Variants in RASA2 observed in about 807,000 individuals in gnomAD.
RASA2 encodes the protein RAS p21 protein activator 2.
In RASA2, 155 loss-of-function variants were observed where a neutral mutation model predicts 118.2. That is an observed-to-expected ratio of 1.31 (90% CI 1.15 to 1.50). The LOEUF is 1.50. Among genes scored for constraint, RASA2 ranks in the 40% most tolerant of loss-of-function variants. RASA2 has a pLI of 0.00. For synonymous variants in RASA2, 353 were observed against 349.1 expected (o/e 1.01, Z -0.12); for missense variants, 1,016 against 1,009.6 (o/e 1.01, Z -0.09).
intron 9 of RASA2, among the ~76,000 whole-genome samples, chr3:141,564,713 T>C (rs2082790603): frequency 6.6e-6 from 1 of 152,118 alleles, no homozygotes; most frequent in South Asian, 2.1e-4. Flanking sequence ...GTGAAAGATA[T>C]AGATGAAAAC....
intron 19 of RASA2, among the ~76,000 whole-genome samples, chr3:141,605,356 G>C (rs1303137812): frequency 6.6e-6 from 1 of 151,808 alleles, no homozygotes; most frequent in African/African-American, 2.4e-5. Context: ...TGTATTTTTG[G>C]AAAGACCTCA....
At chr3:141,599,488 G>A (rs977729324) in intron 19 of RASA2, among the ~76,000 whole-genome samples, 5 of 152,020 alleles carry the variant, frequency 3.3e-5, no homozygotes, top group African/African-American at 1.2e-4. Flanking sequence ...CCCCTTTCTA[G>A]TGTATTAAAA....
chr3:141,539,593 G>A (rs955895580), intron 4 of RASA2, among the ~76,000 whole-genome samples: 5 of 152,138 alleles, frequency 3.3e-5, no homozygotes, highest in Admixed American at 2.0e-4. Flanking sequence ...AATCACTCAC[G>A]TCATCAGTCC....
At chr3:141,609,573 C>T (rs1338099191) in intron 22 of RASA2, 50 bp downstream of exon 22, 1 of 1,349,202 alleles carries the variant, frequency 7.4e-7, no homozygotes, top group South Asian at 1.3e-5. Flanking sequence ...ATTACCAATT[C>T]CTAAAGTATT....
In RASA2 at chr3:141,572,650, G is replaced by A. The variant is rs770097538; in HGVS notation, c.1211G>A (p.Arg404Gln). The A allele has an allele frequency of 2.9e-5, 47 of 1,613,372 alleles. No individual in the cohort carries two copies. Among genetic ancestry groups the A allele is most frequent in the Non-Finnish European group, 3.7e-5 (44 of 1,179,688 alleles). The change falls in exon 12 of 24, where the codon CGA (arginine) becomes CAA (glutamine). Residue 404 changes from arginine to glutamine, a missense_variant. By Grantham distance (43) the Arg-to-Gln change is conservative. Around this residue, in one of 2 missense-constraint regions of RASA2, gnomAD observed 896 missense variants for 836.4 expected, o/e 1.07. Transcript: ENST00000286364. The part of the protein sequence containing the change: ...TIFRGNSLAT[R>Q]CLDEMMKIVG... ...TTTAGAGGAAATTCCCTGGCTACCC[G>A]ATGTCTGGATGAGATGATGAAAATA...
At chr3:141,607,562 GTTA>G (rs2083566925) in intron 19 of RASA2, 113 bp from the exon 20 acceptor site, 3 of 1,090,922 alleles carry the variant, frequency 2.7e-6, no homozygotes, top group Non-Finnish European at 3.6e-6. Flanking sequence ...TCTTCTGTAG[GTTA>G]TTTACACTCC....
intron 3 of RASA2, among the ~76,000 whole-genome samples, chr3:141,521,742 C>T (rs1033528971): frequency 6.6e-6 from 1 of 152,008 alleles, no homozygotes; most frequent in Non-Finnish European, 1.5e-5. Flanking sequence ...AAAATTTATA[C>T]ATTTAACAGA....
At position 141,541,612 on chromosome 3, in the gene RASA2, A is replaced by G. The variant is rs113346182; in HGVS notation, c.527+1003A>G. On this transcript the variant is annotated intron_variant, in intron 5 of 23. Transcript: ENST00000286364. ...TAAAAATCTATAGTTATTTTCTAAT[A>G]TTTTAATCTGCAGTTATTATATTCC... 7.9e-3 allele frequency among the ~76,000 whole-genome samples: 1,200 copies of G among 152,188 alleles called. 17 individuals are homozygous for G. The highest frequency in any genetic ancestry group is 0.027 in the African/African-American group (1,107 of 41,540).
intron 1 of RASA2, among the ~76,000 whole-genome samples, chr3:141,493,419 C>T (rs1008882308): frequency 1.3e-5 from 2 of 152,128 alleles, no homozygotes; most frequent in Admixed American, 1.3e-4. Flanking sequence ...TGTCTGTCAC[C>T]ATCACCTGTG....
chr3:141,543,879 T>TTTTC (rs2082443364), intron 5 of RASA2, among the ~76,000 whole-genome samples: 1 of 130,642 alleles, frequency 7.7e-6, no homozygotes, highest in African/African-American at 3.7e-5. Context: ...CTTTTTTCTT[T>TTTTC]TTTTTTTTTT....
intron 5 of RASA2, among the ~76,000 whole-genome samples, chr3:141,544,623 TA>T (rs1208112602): frequency 6.6e-6 from 1 of 152,246 alleles, no homozygotes; most frequent in East Asian, 1.9e-4. Flanking sequence ...TTCTTCTTTA[TA>T]ACTTTTTTCC....
chr3:141,590,197 T>A, intron 19 of RASA2: 1 of 455,650 alleles, frequency 2.2e-6, no homozygotes, highest in Non-Finnish European at 4.4e-6. Flanking sequence ...TTAATTGTTA[T>A]ATGGATTCTG....
At chr3:141,502,867 G>A (rs925588727) in intron 1 of RASA2, among the ~76,000 whole-genome samples, 5 of 152,024 alleles carry the variant, frequency 3.3e-5, no homozygotes, top group African/African-American at 1.2e-4. Flanking sequence ...TGTACTTCAG[G>A]TAACCTTTGA....
chr3:141,537,595 C>G (rs1349611632), intron 4 of RASA2, among the ~76,000 whole-genome samples: 2 of 152,034 alleles, frequency 1.3e-5, no homozygotes, highest in Non-Finnish European at 2.9e-5. Flanking sequence ...ATGGTGAAAC[C>G]GTGTCTCTAC....
intron 1 of RASA2, among the ~76,000 whole-genome samples, chr3:141,498,251 G>C (rs1027143008): frequency 6.6e-6 from 1 of 152,200 alleles, no homozygotes; most frequent in East Asian, 1.9e-4. Flanking sequence ...GCTCAGGATT[G>C]TAAGGGAGCA....
At chr3:141,568,374 T>C (rs1298552668) in intron 9 of RASA2, among the ~76,000 whole-genome samples, 1 of 152,036 alleles carries the variant, frequency 6.6e-6, no homozygotes, top group Non-Finnish European at 1.5e-5. Flanking sequence ...TTTTTAAAAA[T>C]CTATATAAAA....
chr3:141,533,059 C>T (rs1424870961), intron 4 of RASA2, among the ~76,000 whole-genome samples: 4 of 152,096 alleles, frequency 2.6e-5, no homozygotes, highest in Admixed American at 6.6e-5. Flanking sequence ...CATGTCTCTT[C>T]CTCTGCTTCT....
chr3:141,532,753 T>G (rs2082276221), intron 4 of RASA2, among the ~76,000 whole-genome samples: 1 of 152,120 alleles, frequency 6.6e-6, no homozygotes, highest in African/African-American at 2.4e-5. Flanking sequence ...ATACTGTATC[T>G]TTAAACTGTA....
intron 4 of RASA2, among the ~76,000 whole-genome samples, chr3:141,530,804 G>T (rs1357568041): frequency 6.6e-6 from 1 of 151,886 alleles, no homozygotes; most frequent in South Asian, 2.1e-4. Flanking sequence ...TAATATTCTT[G>T]TCTTTCCTTA....
Sources: gnomAD v4.1 joint callset for allele counts (sites outside exome capture counted in the v4.1 genomes callset) on GRCh38, gnomAD v4.1.1 for gene constraint, gnomAD v4.1.1 regional missense constraint, MANE v1.5 for transcripts, NCBI Gene and HGNC (gene_info 2026-07-23, HGNC 2026-07-21) for gene names.